The following REC114 variants were observed in gnomAD, a reference collection of about 807,000 sequenced individuals.
REC114 encodes the protein meiotic recombination protein REC114.
REC114 carries 27 observed loss-of-function variants against 31.3 expected under a neutral mutation model. That is an observed-to-expected ratio of 0.86 (90% confidence interval 0.64 to 1.19). REC114 has a LOEUF of 1.19. REC114 is among the 50% of genes most tolerant of loss of function. REC114 has a pLI of 0.00. For synonymous variants in REC114, 134 were observed against 127.7 expected (o/e 1.05, Z -0.33); for missense variants, 344 against 326.9 (o/e 1.05, Z -0.40).
intron 1 of REC114, among the ~76,000 whole-genome samples, chr15:73,455,165 G>A (rs1480037446): frequency 6.6e-6 from 1 of 151,838 alleles, no homozygotes; most frequent in Non-Finnish European, 1.5e-5. Flanking sequence ...TCTATTTTAT[G>A]GGCACTGGGA....
chr15:73,539,986 G>A (rs1221364565), intron 2 of REC114, among the ~76,000 whole-genome samples: 2 of 152,008 alleles, frequency 1.3e-5, no homozygotes, highest in Non-Finnish European at 2.9e-5. Context: ...TTTTCAGATG[G>A]AAATGAAGAA....
intron 2 of REC114, among the ~76,000 whole-genome samples, chr15:73,533,470 T>A (rs1316819268): frequency 7.0e-6 from 1 of 143,364 alleles, no homozygotes; most frequent in African/African-American, 2.8e-5. Context: ...AGAGATCAAT[T>A]CAACAAGAAG....
intron 1 of REC114, among the ~76,000 whole-genome samples, chr15:73,449,112 G>A (rs532312683): frequency 1.3e-5 from 2 of 152,022 alleles, no homozygotes; most frequent in African/African-American, 2.4e-5. Flanking sequence ...ACAACGCCTC[G>A]CCAGCAAGGG....
At chr15:73,452,140 C>T (rs201536000) in intron 1 of REC114, among the ~76,000 whole-genome samples, 1 of 152,048 alleles carries the variant, frequency 6.6e-6, no homozygotes, top group Non-Finnish European at 1.5e-5. Context: ...CCAGGGCAAT[C>T]GGGCAAGAGA....
chr15:73,497,830 T>C (rs1340963071), intron 2 of REC114, among the ~76,000 whole-genome samples: 1 of 152,126 alleles, frequency 6.6e-6, no homozygotes, highest in Non-Finnish European at 1.5e-5. Flanking sequence ...AACAGTTGTA[T>C]GGAGATGAAA....
In REC114 at chr15:73,455,335, AGTT is replaced by A. The variant is rs1444091972; in HGVS notation, c.159+11995_159+11997del. Among the ~76,000 whole-genome samples the A allele has an allele frequency of 2.0e-5, 3 of 152,166 alleles. 1 individual carries two copies. Among genetic ancestry groups the A allele is most frequent in the Non-Finnish European group, 4.4e-5 (3 of 68,026 alleles). On this transcript the variant is annotated intron_variant, in intron 1 of 5. Coordinates refer to ENST00000331090, the MANE Select transcript of REC114 (RefSeq NM_001042367.2). ...TTATTGTGGAGGATAGAGTCATTCT[AGTT>A]GTTTTTTCTTTAGGGAACTTTCAGA...
chr15:73,463,200 G>A (rs780487037), intron 1 of REC114, among the ~76,000 whole-genome samples: 4 of 152,226 alleles, frequency 2.6e-5, no homozygotes, highest in African/African-American at 7.2e-5. Flanking sequence ...TTTCTCTGCA[G>A]TATTTCCTTG....
chr15:73,501,965 T>C (rs1328504392), intron 2 of REC114, among the ~76,000 whole-genome samples: 4 of 152,130 alleles, frequency 2.6e-5, no homozygotes, highest in Non-Finnish European at 5.9e-5. Context: ...AAACTCAGTA[T>C]TTAAGAGAGT....
chr15:73,507,310 T>C lies in REC114; in HGVS notation c.250-33175T>C, dbSNP rs576466496. ...AGATTGTCCAACATGTGGGCCAGGA[T>C]GGCTTTGAAAGCAGCCTAACACAAA... On this transcript the variant is annotated intron_variant, in intron 2 of 5. Coordinates refer to ENST00000331090, the MANE Select transcript of REC114 (RefSeq NM_001042367.2). Among the ~76,000 whole-genome samples, 15 of 152,368 alleles carry C rather than the reference T, an allele frequency of 9.8e-5. No individual in the cohort carries two copies. The South Asian group carries it at 2.7e-3, about 27-fold the overall frequency.
intron 2 of REC114, among the ~76,000 whole-genome samples, chr15:73,534,450 G>A (rs1367151912): frequency 6.6e-6 from 1 of 152,076 alleles, no homozygotes; most frequent in Non-Finnish European, 1.5e-5. Context: ...TAAATTCCTC[G>A]ACACATACAC....
At chr15:73,446,986 C>T (rs932433946) in intron 1 of REC114, among the ~76,000 whole-genome samples, 2 of 152,098 alleles carry the variant, frequency 1.3e-5, no homozygotes, top group Admixed American at 6.6e-5. Flanking sequence ...GGCTTAGACT[C>T]AGGGCATGGC....
intron 2 of REC114, among the ~76,000 whole-genome samples, chr15:73,478,821 G>A (rs908032923): frequency 3.3e-5 from 5 of 152,068 alleles, no homozygotes; most frequent in African/African-American, 1.2e-4. Context: ...TTATGTTCTT[G>A]TAGGTAGGAT....
At chr15:73,461,901 T>G (rs1448300391) in intron 1 of REC114, among the ~76,000 whole-genome samples, 3 of 140,752 alleles carry the variant, frequency 2.1e-5, no homozygotes, top group Non-Finnish European at 3.3e-5. Flanking sequence ...GAGATAACAT[T>G]TTTCTTTTTC....
At chr15:73,538,798 T>C (rs1894197739) in intron 2 of REC114, among the ~76,000 whole-genome samples, 1 of 152,064 alleles carries the variant, frequency 6.6e-6, no homozygotes, top group Non-Finnish European at 1.5e-5. Context: ...TAACATTTAC[T>C]ACTTTTTACA....
chr15:73,514,164 C>T (rs1162813860), intron 2 of REC114, among the ~76,000 whole-genome samples: 1 of 151,554 alleles, frequency 6.6e-6, no homozygotes, highest in African/African-American at 2.4e-5. Flanking sequence ...TTTTTTAAGC[C>T]GGTCTGAAAA....
intron 2 of REC114, among the ~76,000 whole-genome samples, chr15:73,518,858 A>G (rs1893898402): frequency 6.6e-6 from 1 of 152,246 alleles, no homozygotes; most frequent in South Asian, 2.1e-4. Flanking sequence ...TAAAAGAGCT[A>G]CAGGGTCTGA....
rs535083559 is a variant in REC114 at position 73,443,168 on chromosome 15, C to G, written c.-18C>G. 6.5e-7 allele frequency: 1 copy of G among 1,543,476 alleles called. No homozygotes were observed. The highest frequency in any genetic ancestry group is 8.7e-7 in the Non-Finnish European group (1 of 1,146,976). ...GATTGGCAGGTCCCCGCCGGCAGTG[C>G]GTGTGGTGAGGCAGGACATGGCGGA... On this transcript the variant is annotated 5_prime_UTR_variant, in exon 1 of 6. Coordinates refer to ENST00000331090, the MANE Select transcript of REC114 (RefSeq NM_001042367.2).
intron 2 of REC114, among the ~76,000 whole-genome samples, chr15:73,501,346 T>C (rs913495652): frequency 6.6e-6 from 1 of 152,162 alleles, no homozygotes; most frequent in Non-Finnish European, 1.5e-5. Context: ...TCATTCTTCT[T>C]CTATTGAAGG....
chr15:73,462,365 T>C (rs1477597335), intron 1 of REC114, among the ~76,000 whole-genome samples: 3 of 152,034 alleles, frequency 2.0e-5, no homozygotes, highest in African/African-American at 7.2e-5. Flanking sequence ...TTATGTTAGG[T>C]GTTATGATAT....
Sources: gnomAD v4.1 joint callset for allele counts (sites outside exome capture counted in the v4.1 genomes callset) on GRCh38, gnomAD v4.1.1 for gene constraint, MANE v1.5 for transcripts, NCBI Gene and HGNC (gene_info 2026-07-23, HGNC 2026-07-21) for gene names.